Variants in MAMSTR observed in about 807,000 individuals in gnomAD.
MAMSTR encodes MEF2 activating motif and SAP domain containing transcriptional regulator, also known as MEF2-activating motif and SAP domain-containing transcriptional regulator.
MAMSTR carries 41 observed loss-of-function variants against 42.7 expected under a neutral mutation model. The ratio of observed to expected loss-of-function variants is 0.96; its 90% CI spans 0.75 to 1.25. The LOEUF (loss-of-function observed/expected upper bound fraction) is 1.25. Among genes scored for constraint, MAMSTR ranks in the 50% most tolerant of loss-of-function variants. MAMSTR has a pLI of 0.00. For synonymous variants in MAMSTR, 265 were observed against 244.1 expected, an observed-to-expected ratio of 1.09 and a Z score of -0.80; for missense variants, 567 against 557.6, an observed-to-expected ratio of 1.02 and a Z score of -0.17.
rs1194790892 is a variant in MAMSTR, at chr19:48,713,387, C to T, written c.1128G>A (p.Leu376=). The change falls in exon 10 of 10, where the codon CTG becomes CTA. Residue 376 remains leucine, a synonymous_variant. Transcript: ENST00000318083. ...GAGGAGGACCCCCGCTCAGGGCCTCCAGCCAGTCCAGGGAGTCCGTGGGGT... is the reference window on the plus strand; with the variant it reads ...GAGGAGGACCCCCGCTCAGGGCCTCTAGCCAGTCCAGGGAGTCCGTGGGGT... ...PRDPTDSLDW[L]EALSGGPPLG... 1.9e-6 allele frequency: 3 copies of T among 1,612,420 alleles called. No individual in the cohort carries two copies. In the East Asian group the frequency reaches 6.7e-5, roughly 36 times the overall value.
the MAMSTR span, among the ~76,000 whole-genome samples, chr19:48,707,262 C>A: frequency 6.6e-6 from 1 of 151,102 alleles, no homozygotes; most frequent in Non-Finnish European, 1.5e-5. Context: ...ACTAAAAATA[C>A]AAAAATTAGC....
chr19:48,717,952 G>A (rs62130349), intron 2 of MAMSTR, among the ~76,000 whole-genome samples: 140,176 of 152,042 alleles, frequency 0.92, 64,777 homozygotes, highest in Middle Eastern at 0.97. Flanking sequence ...CAATCCGCCC[G>A]CCTTGGCCTC....
chr19:48,707,635 G>A, the MAMSTR span, among the ~76,000 whole-genome samples: 1 of 151,412 alleles, frequency 6.6e-6, no homozygotes, highest in African/African-American at 2.4e-5. Context: ...CAGCTACTCG[G>A]GAGGCTGAGT....
Position 48,714,037 on chromosome 19 carries a change from G to A in MAMSTR, c.732C>T (p.Pro244=). Reference sequence around the variant, plus strand: ...GAGGTGGCCTGTGAGATGCTGCGCTGGGCTTGACCTAGAGCAGCCAAGAGG... The same window carrying A: ...GAGGTGGCCTGTGAGATGCTGCGCTAGGCTTGACCTAGAGCAGCCAAGAGG... ...AAARRQGSVK[P]SAASHRPPLP... Residue 244 remains proline (P), a synonymous_variant, in exon 8 of 10, where the codon CCC becomes CCT. Transcript: ENST00000318083. 1 of 1,591,518 alleles carries A rather than the reference G, an allele frequency of 6.3e-7. No homozygotes were observed.
At chr19:48,715,935 G>GT in intron 3 of MAMSTR, 168 bp from the exon 4 acceptor site, 2 of 1,410,094 alleles carry the variant, frequency 1.4e-6, no homozygotes, top group Non-Finnish European at 1.8e-6. Context: ...CGGAGGTGTG[G>GT]GGGGGCTCCG....
intron 2 of MAMSTR, 54 bp downstream of exon 2, chr19:48,718,920 A>C: frequency 1.5e-6 from 2 of 1,302,690 alleles, no homozygotes; most frequent in African/African-American, 1.5e-5. Flanking sequence ...CCCACCCCAG[A>C]GTACAGCATT....
chr19:48,707,847 GAAA>G (rs2032668896), downstream of MAMSTR, among the ~76,000 whole-genome samples: 1 of 78,170 alleles, frequency 1.3e-5, no homozygotes, highest in Non-Finnish European at 2.7e-5. Flanking sequence ...AGGAAAGAAA[GAAA>G]GAAAGAAAGA....
the MAMSTR span, among the ~76,000 whole-genome samples, chr19:48,706,809 G>T: frequency 6.6e-6 from 1 of 151,498 alleles, no homozygotes; most frequent in Non-Finnish European, 1.5e-5. Context: ...AAATATAATT[G>T]GTACAGGCCA....
In MAMSTR at chr19:48,713,918, G is replaced by A; in HGVS notation, c.851C>T (p.Pro284Leu). The stretch of plus-strand genomic sequence containing the variant: ...CTCCAGAGTCAGAGCCGCTGAGCCC[G>A]GCCCTGAGGAAGGGGTCAGGGCTGG... ...AAPALTPSSG[P>L]GSAALTLEEE... Residue 284 changes from proline to leucine, a missense_variant, in exon 8 of 10, where the codon CCG (proline) becomes CTG (leucine). Transcript: ENST00000318083. The A allele has an allele frequency of 1.2e-6, 2 of 1,612,086 alleles. No homozygotes were observed. The highest frequency in any genetic ancestry group is 1.7e-6 in the Non-Finnish European group (2 of 1,178,648).
At chr19:48,714,144 C>T in intron 7 of MAMSTR, 99 bp from the exon 8 acceptor site, 1 of 1,322,834 alleles carries the variant, frequency 7.6e-7, no homozygotes, top group Non-Finnish European at 1.0e-6. Flanking sequence ...CCTCTCGCGA[C>T]CCCTCGCTCA....
At position 48,714,517 on chromosome 19, in the gene MAMSTR, A is replaced by G; in HGVS notation, c.572T>C (p.Val191Ala). The G allele has an allele frequency of 6.9e-7, 1 of 1,453,824 alleles. No individual in the cohort carries two copies. Among genetic ancestry groups the G allele is most frequent in the Non-Finnish European group, 9.0e-7 (1 of 1,115,822 alleles). 90.1% of individuals were successfully genotyped at this position (1,453,824 alleles called of 1,614,324 possible). A position where few individuals can be genotyped will look rare whatever the true frequency, so the allele number is the denominator to read the frequency against. The change falls in exon 7 of 10, where the codon GTG (valine) becomes GCG (alanine). Residue 191 changes from valine (V) to alanine (A), a missense_variant. Coordinates refer to ENST00000318083, the MANE Select transcript of MAMSTR (RefSeq NM_001130915.2). ...CAGGAGCATAGACTTGGTCCCCGAC[A>G]CTGGGAGGCCCCGCAGGCGCAGCTG... ...RQQLRLRGLP[V>A]SGTKSMLLER...
rs773294292 is a variant in MAMSTR at position 48,714,431 on chromosome 19, G to C, written c.658C>G (p.Pro220Ala). The change falls in exon 7 of 10, where the codon CCC becomes GCC. Residue 220 changes from proline to alanine, a missense_variant. Physicochemically the swap from Pro to Ala is conservative, Grantham distance 27. Transcript: ENST00000318083. ...AGGCGCGGCCAGGGAGCACCCGCGG[G>C]ACTGTCCTCGCGCCGCGGCTTCGGC... ...ERPKPRREDS[P>A]AGAPWPRLKP... 4.9e-5 allele frequency: 68 copies of C among 1,385,946 alleles called. No individual in the cohort carries two copies. The highest frequency in any genetic ancestry group is 6.2e-5 in the Non-Finnish European group (67 of 1,081,612). The allele number at this position is 1,385,946 out of a possible 1,614,324, so 85.9% of individuals were successfully genotyped here.
intron 6 of MAMSTR, 111 bp downstream of exon 6, chr19:48,714,695 G>T: frequency 7.9e-7 from 1 of 1,262,090 alleles, no homozygotes; most frequent in Non-Finnish European, 1.2e-6. Context: ...AAACAGGATG[G>T]GACTGGGTAC....
In MAMSTR at chr19:48,713,927, G is replaced by A. The variant is rs1034170139; in HGVS notation, c.842C>T (p.Ser281Phe). The change falls in exon 8 of 10, where the codon TCC becomes TTC. Residue 281 changes from serine to phenylalanine, a missense_variant. Physicochemically the swap from Ser to Phe is radical, Grantham distance 155. Transcript: ENST00000318083. ...CAGAGCCGCTGAGCCCGGCCCTGAG[G>A]AAGGGGTCAGGGCTGGAGCTGCAGC... ...APAAAPALTP[S>F]SGPGSAALTL... 4 of 1,612,634 alleles carry A rather than the reference G, an allele frequency of 2.5e-6. No individual in the cohort carries two copies. The highest frequency in any genetic ancestry group is 3.4e-6 in the Non-Finnish European group (4 of 1,179,034).
rs1259813951 is a variant in MAMSTR, at chr19:48,719,604, G to A, written c.-22+75C>T. The A allele has an allele frequency of 6.5e-6, 1 of 154,968 alleles. No homozygotes were observed. Among genetic ancestry groups the A allele is most frequent in the African/African-American group, 2.4e-5 (1 of 41,464 alleles). 9.6% of individuals were successfully genotyped at this position (154,968 alleles called of 1,614,324 possible). A position where few individuals can be genotyped will look rare whatever the true frequency, so the allele number is the denominator to read the frequency against. ...GGTGTCAGCCACCAGGTTCTCTGGG[G>A]AAGGGACTGGGACCAGAGAGGGGAT... On this transcript the variant is annotated intron_variant, in intron 1 of 9. Coordinates refer to ENST00000318083, the MANE Select transcript of MAMSTR (RefSeq NM_001130915.2). The surrounding 1 kb of genome is among the most constrained non-coding windows in gnomAD (Gnocchi z 4.4).
rs993808319 is a variant in MAMSTR at position 48,714,398 on chromosome 19, T to C, written c.691A>G (p.Lys231Glu). The change falls in exon 7 of 10, where the codon AAG (lysine) becomes GAG (glutamate). Residue 231 changes from lysine (K) to glutamate (E), a missense_variant. Lys to Glu is a moderately conservative substitution (Grantham distance 56). Transcript: ENST00000318083. ...TGACGCCGGGCGGCTGCCAGGGCCT[T>C]GGGCTTGAGGCGCGGCCAGGGAGCA... ...AGAPWPRLKPKALAAARRQGS... is the reference protein window; with the variant it reads ...AGAPWPRLKPEALAAARRQGS... 1.9e-5 allele frequency: 27 copies of C among 1,387,442 alleles called. No individual in the cohort carries two copies. Among genetic ancestry groups the C allele is most frequent in the Non-Finnish European group, 2.5e-5 (27 of 1,080,038 alleles). The allele number at this position is 1,387,442 out of a possible 1,614,324, so 85.9% of individuals were successfully genotyped here.
chr19:48,717,923 T>C (rs2033106431), intron 2 of MAMSTR, among the ~76,000 whole-genome samples: 1 of 152,152 alleles, frequency 6.6e-6, no homozygotes, highest in Admixed American at 6.6e-5. Context: ...CAGGCTGGTC[T>C]CGAACTCCTG....
the MAMSTR span, among the ~76,000 whole-genome samples, chr19:48,706,322 T>A: frequency 1.3e-5 from 2 of 148,718 alleles, no homozygotes; most frequent in African/African-American, 5.0e-5. Context: ...GTAGATGGAA[T>A]CCTATTACAA....
rs1004265289 is a variant in MAMSTR at position 48,713,220 on chromosome 19, T to C, written c.*47A>G. ...GTTCCCTCTCCTCCCACAAGGAGCT[T>C]CTCTCCACCCCCATCAGTTCTCTGT... On this transcript the variant is annotated 3_prime_UTR_variant, in exon 10 of 10. Transcript: ENST00000318083. 1 of 1,513,688 alleles carries C rather than the reference T, an allele frequency of 6.6e-7. No individual in the cohort carries two copies. The highest frequency in any genetic ancestry group is 1.4e-5 in the African/African-American group (1 of 71,118). 93.8% of individuals were successfully genotyped at this position (1,513,688 alleles called of 1,614,324 possible). A position where few individuals can be genotyped will look rare whatever the true frequency, so the allele number is the denominator to read the frequency against.
Sources: gnomAD v4.1 joint callset for allele counts (sites outside exome capture counted in the v4.1 genomes callset) on GRCh38, gnomAD v4.1.1 for gene constraint, Gnocchi (gnomAD v3.1) non-coding constraint, MANE v1.5 for transcripts, NCBI Gene and HGNC (gene_info 2026-07-23, HGNC 2026-07-21) for gene names.